The following NSD3 variants were observed in gnomAD, a reference collection of about 807,000 sequenced individuals.
The protein encoded by NSD3 is histone-lysine N-methyltransferase NSD3.
In NSD3, 24 loss-of-function variants were observed where a neutral mutation model predicts 160.8. That is an observed-to-expected ratio of 0.15 (90% CI 0.11 to 0.21). The LOEUF (loss-of-function observed/expected upper bound fraction) is 0.21. Ranked by LOEUF, NSD3 falls within the 10% of genes least tolerant of loss-of-function variation. The probability of loss-of-function intolerance (pLI) is 1.00; values close to 1 mark genes in which losing one functional copy is unlikely to be tolerated. For synonymous variants in NSD3, 520 were observed against 600.0 expected, an observed-to-expected ratio of 0.87 and a Z score of 1.95; for missense variants, 1,157 against 1,735.9, an observed-to-expected ratio of 0.67 and a Z score of 5.93.
chr8:38,368,326 A>G (rs561576960), intron 1 of NSD3, among the ~76,000 whole-genome samples: 1 of 152,348 alleles, frequency 6.6e-6, no homozygotes, highest in East Asian at 1.9e-4. Context: ...TGTCACCTCA[A>G]ATATTTTCTG....
At chr8:38,276,743 G>T in intron 22 of NSD3, 1 of 502,570 alleles carries the variant, frequency 2.0e-6, no homozygotes, top group Non-Finnish European at 3.6e-6. Context: ...GAAGTGCAGT[G>T]GTGCAATCTT....
chr8:38,309,521 G>A (rs755302714), intron 12 of NSD3, among the ~76,000 whole-genome samples: 6 of 151,928 alleles, frequency 3.9e-5, no homozygotes, highest in Admixed American at 6.6e-5. Flanking sequence ...ATGGTGCTGC[G>A]TGCCTGTAGT....
intron 7 of NSD3, among the ~76,000 whole-genome samples, chr8:38,324,526 C>T (rs906264180): frequency 1.3e-5 from 2 of 152,154 alleles, no homozygotes; most frequent in Non-Finnish European, 2.9e-5. Context: ...TCAAGATTAC[C>T]ACTTCAGGTC....
At position 38,347,769 on chromosome 8, in the gene NSD3, G is replaced by A. The variant is rs1210897024; in HGVS notation, c.403C>T (p.Pro135Ser). 1 of 1,613,338 alleles carries A rather than the reference G, an allele frequency of 6.2e-7. No individual in the cohort carries two copies. Among genetic ancestry groups the A allele is most frequent in the South Asian group, 1.1e-5 (1 of 91,082 alleles). ...LEKPSPPQPP[P>S]PPSVPQTVIP... ...ACAGTTTGTGGTACCGAAGGAGGAGGTGGTGGCTGTGGAGGGGAAGGTTTT... is the reference window on the plus strand; with the variant it reads ...ACAGTTTGTGGTACCGAAGGAGGAGATGGTGGCTGTGGAGGGGAAGGTTTT... The change falls in exon 2 of 24, where the codon CCT becomes TCT. Residue 135 changes from proline to serine, a missense_variant. Physicochemically the swap from Pro to Ser is moderately conservative, Grantham distance 74. This residue lies in a region of NSD3 where 121 missense variants were observed against 177.2 expected (regional missense o/e 0.68). Transcript: ENST00000317025.
At chr8:38,344,097 G>C (rs564129695) in intron 2 of NSD3, among the ~76,000 whole-genome samples, 1 of 152,278 alleles carries the variant, frequency 6.6e-6, no homozygotes, top group South Asian at 2.1e-4. Context: ...AGTGATCTCA[G>C]GTCTCCTGCT....
intron 1 of NSD3, among the ~76,000 whole-genome samples, chr8:38,375,354 T>C (rs1811364053): frequency 1.3e-5 from 2 of 152,170 alleles, no homozygotes; most frequent in South Asian, 4.1e-4. Flanking sequence ...GAATACTTTT[T>C]CAAAGAGCTT....
In NSD3 at chr8:38,305,333, G is replaced by T; in HGVS notation, c.2355C>A (p.Ala785=). The T allele has an allele frequency of 6.2e-7, 1 of 1,614,146 alleles. No homozygotes were observed. Among genetic ancestry groups the T allele is most frequent in the Non-Finnish European group, 8.5e-7 (1 of 1,180,026 alleles). The stretch of plus-strand genomic sequence containing the variant: ...AGCGGAATCCTTTTGATTCAAAGAT[G>T]GCAGTGGGGAATTTGCGGACACAGG... ...HEACVRKFPT[A]IFESKGFRCP... is the part of the protein sequence containing the mutation. The change falls in exon 13 of 24, where the codon GCC becomes GCA. Residue 785 remains alanine (A), a synonymous_variant. Transcript: ENST00000317025.
Position 38,290,761 on chromosome 8 carries a change from G to T in NSD3, c.2916-84C>A, listed in dbSNP as rs540484261. 4.9e-6 allele frequency: 7 copies of T among 1,441,870 alleles called. No homozygotes were observed. In the Admixed American group the frequency reaches 6.9e-5, roughly 14 times the overall value. The allele number at this position is 1,441,870 out of a possible 1,614,324, so 89.3% of individuals were successfully genotyped here. ...TACAAGATTGGCAGAAGGGAAAAAA[G>T]TTTTTGTATTTTGCAATTTTCATTC... On this transcript the variant is annotated intron_variant, in intron 16 of 23. Coordinates refer to ENST00000317025, the MANE Select transcript of NSD3 (RefSeq NM_023034.2).
At chr8:38,306,430 T>A (rs1213594190) in intron 12 of NSD3, among the ~76,000 whole-genome samples, 1 of 151,816 alleles carries the variant, frequency 6.6e-6, no homozygotes, top group Non-Finnish European at 1.5e-5. Flanking sequence ...AAAAAAAAAT[T>A]TTAGGCCCAG....
chr8:38,345,610 A>C (rs1184492956), intron 2 of NSD3, among the ~76,000 whole-genome samples: 1 of 152,156 alleles, frequency 6.6e-6, no homozygotes, highest in Admixed American at 6.5e-5. Context: ...AAACCCTTAA[A>C]TTAAAATCTA....
In NSD3 at chr8:38,329,517, G is replaced by A; in HGVS notation, c.1442C>T (p.Ala481Val). The A allele has an allele frequency of 6.2e-7, 1 of 1,614,232 alleles. No homozygotes were observed. ...KTAAARKSLPASITMHKGSLD... is the reference protein window; with the variant it reads ...KTAAARKSLPVSITMHKGSLD... Reference sequence around the variant, plus strand: ...GCTCCCTTTGTGCATCGTAATGGAAGCTGGTAAGGATTTCCTTGCTGCCGC... The same window carrying A: ...GCTCCCTTTGTGCATCGTAATGGAAACTGGTAAGGATTTCCTTGCTGCCGC... Residue 481 changes from alanine to valine, a missense_variant, in exon 6 of 24, where the codon GCT (alanine) becomes GTT (valine). Physicochemically the swap from Ala to Val is moderately conservative, Grantham distance 64. This residue lies in a region of NSD3 where 168 missense variants were observed against 208.1 expected (regional missense o/e 0.81). Transcript: ENST00000317025. This position sits in a 1 kb window ranked among gnomAD's most constrained non-coding sequence, Gnocchi z 4.8.
chr8:38,320,612 A>T (rs1649194387), intron 8 of NSD3: 1 of 152,194 alleles, frequency 6.6e-6, no homozygotes, highest in Admixed American at 6.5e-5. Flanking sequence ...TATTAACAGA[A>T]AAAACAGATC....
chr8:38,320,550 T>C (rs1809772287), intron 8 of NSD3: 1 of 152,142 alleles, frequency 6.6e-6, no homozygotes, highest in Non-Finnish European at 1.5e-5. Context: ...TCTGACAACC[T>C]GATATCAGGT....
chr8:38,301,413 A>G (rs1809273349), intron 14 of NSD3, among the ~76,000 whole-genome samples: 1 of 152,168 alleles, frequency 6.6e-6, no homozygotes, highest in South Asian at 2.1e-4. Flanking sequence ...CCCCATCTCT[A>G]CTAAAAATAC....
rs550996725 is a variant in NSD3, at chr8:38,355,055, C to T, written c.-44-6840G>A. ...AGCGGAGTCTGGCGGCCAGCCTTCA[C>T]GCAGCAGACACACCAACTGATAAAA... On this transcript the variant is annotated intron_variant, in intron 1 of 23. Coordinates refer to ENST00000317025, the MANE Select transcript of NSD3 (RefSeq NM_023034.2). 5.3e-5 allele frequency among the ~76,000 whole-genome samples: 8 copies of T among 152,260 alleles called. No individual in the cohort carries two copies. The East Asian group carries it at 5.8e-4, about 11-fold the overall frequency.
At chr8:38,313,662 C>G (rs1809586928) in intron 12 of NSD3, among the ~76,000 whole-genome samples, 1 of 151,894 alleles carries the variant, frequency 6.6e-6, no homozygotes, top group African/African-American at 2.4e-5. Flanking sequence ...GTGGCAGGCA[C>G]CTGTAGTCCC....
chr8:38,347,745 C>G lies in NSD3; in HGVS notation c.427G>C (p.Val143Leu). The G allele has an allele frequency of 6.2e-7, 1 of 1,612,588 alleles. No homozygotes were observed. The highest frequency in any genetic ancestry group is 8.5e-7 in the Non-Finnish European group (1 of 1,180,032). Residue 143 changes from valine to leucine, a missense_variant, in exon 2 of 24, where the codon GTG becomes CTG. Physicochemically the swap from Val to Leu is conservative, Grantham distance 32 (BLOSUM62 1). This residue lies in a region of NSD3 where 121 missense variants were observed against 177.2 expected (regional missense o/e 0.68). Transcript: ENST00000317025. Reference protein sequence around the residue: ...PPPPPSVPQTVIPKKTGSPEI... With the variant: ...PPPPPSVPQTLIPKKTGSPEI... ...GGTGAGCCAGTCTTCTTTGGAATCA[C>G]AGTTTGTGGTACCGAAGGAGGAGGT... is the stretch of plus-strand genomic sequence containing the variant.
Sources: gnomAD v4.1 joint callset for allele counts (sites outside exome capture counted in the v4.1 genomes callset) on GRCh38, gnomAD v4.1.1 for gene constraint, gnomAD v4.1.1 regional missense constraint, Gnocchi (gnomAD v3.1) non-coding constraint, MANE v1.5 for transcripts, NCBI Gene and HGNC (gene_info 2026-07-23, HGNC 2026-07-21) for gene names.